Variants in DIAPH1 observed in about 807,000 individuals in gnomAD.
DIAPH1 encodes diaphanous related formin 1, also known as protein diaphanous homolog 1.
A neutral mutation model predicts 140.7 loss-of-function variants in DIAPH1; 46 were observed. The observed-to-expected ratio is 0.33, with a 90% CI of 0.26 to 0.42. DIAPH1 has a LOEUF of 0.42. DIAPH1 is among the 10% of genes least tolerant of loss of function. DIAPH1 has a pLI of 1.00. For synonymous variants in DIAPH1, 565 were observed against 551.6 expected (o/e 1.02, Z -0.34); for missense variants, 1,310 against 1,558.7 (o/e 0.84, Z 2.69).
chr5:141,547,346 T>G (rs1299841521), intron 18 of DIAPH1, among the ~76,000 whole-genome samples: 1 of 152,026 alleles, frequency 6.6e-6, no homozygotes, highest in East Asian at 1.9e-4. Flanking sequence ...GTGCCTGTAG[T>G]CCCAGCTACT....
intron 18 of DIAPH1, among the ~76,000 whole-genome samples, chr5:141,548,791 A>G (rs2099891224): frequency 6.6e-6 from 1 of 152,180 alleles, no homozygotes; most frequent in South Asian, 2.1e-4. Flanking sequence ...TGGGTGACAA[A>G]GTGAGACCCT....
At chr5:141,577,645 A>G in intron 11 of DIAPH1, 54 bp from the exon 12 acceptor site, 1 of 1,175,398 alleles carries the variant, frequency 8.5e-7, no homozygotes, top group South Asian at 1.2e-5. Context: ...TATGTTTGAC[A>G]GGTGGCTTAT....
In DIAPH1 at chr5:141,526,683, GTTGT is replaced by G. The variant is rs564933384; in HGVS notation, c.3274-226_3274-223del. On this transcript the variant is annotated intron_variant, in intron 24 of 27. Transcript: ENST00000389054. ...AAAAAAGAAGGTGGCAGTTTAAACT[GTTGT>G]TTGTTTGTTTGTTTGTGTTTGTTTG... Among the ~76,000 whole-genome samples the G allele has an allele frequency of 1.8e-3, 275 of 150,978 alleles. 3 individuals are homozygous for G. The highest frequency in any genetic ancestry group is 3.7e-3 in the Admixed American group (57 of 15,230).
chr5:141,556,524 G>T (rs867334491), intron 18 of DIAPH1, among the ~76,000 whole-genome samples: 2 of 152,154 alleles, frequency 1.3e-5, no homozygotes, highest in African/African-American at 4.8e-5. Flanking sequence ...CAGGAGAAAA[G>T]TAAGAGTCCA....
At chr5:141,542,302 G>C (rs527719218) in intron 18 of DIAPH1, among the ~76,000 whole-genome samples, 5 of 151,870 alleles carry the variant, frequency 3.3e-5, no homozygotes, top group African/African-American at 1.2e-4. Context: ...GCATGGTGGC[G>C]CATGCCTGTA....
intron 1 of DIAPH1, among the ~76,000 whole-genome samples, chr5:141,614,132 TTAAG>T (rs1197963129): frequency 6.6e-6 from 1 of 152,322 alleles, no homozygotes; most frequent in Admixed American, 6.5e-5. Flanking sequence ...AGAAAACCAC[TTAAG>T]TAATACAAAG....
chr5:141,584,356 C>T lies in DIAPH1; in HGVS notation c.301-131G>A, dbSNP rs2099897216. The T allele has an allele frequency of 3.3e-5, 22 of 659,256 alleles. 1 individual carries two copies. The highest frequency in any genetic ancestry group is 2.6e-4 in the South Asian group (16 of 60,594). The allele number at this position is 659,256 out of a possible 1,614,324, so 40.8% of individuals were successfully genotyped here. ...GCTTAAGTAAATAAATCTTTTTGAT[C>T]CCTAGAAATTTAAGCTATTACAGCT... is the stretch of plus-strand genomic sequence containing the variant. On this transcript the variant is annotated intron_variant, in intron 3 of 27. Coordinates refer to ENST00000389054, the MANE Select transcript of DIAPH1 (RefSeq NM_005219.5).
At chr5:141,585,766 C>T (rs1307312447) in intron 3 of DIAPH1, among the ~76,000 whole-genome samples, 1 of 151,814 alleles carries the variant, frequency 6.6e-6, no homozygotes, top group African/African-American at 2.4e-5. Context: ...TGCGACAGAG[C>T]AATACTCCAT....
intron 11 of DIAPH1, 94 bp downstream of exon 11, chr5:141,578,131 G>T: frequency 1.1e-6 from 1 of 921,568 alleles, no homozygotes; most frequent in Non-Finnish European, 1.8e-6. Flanking sequence ...GCTCTGTTCT[G>T]AGTCATCATC....
rs972555740 is a variant in DIAPH1, at chr5:141,574,134, T to C, written c.1716A>G (p.Val572=). The C allele has an allele frequency of 6.2e-7, 1 of 1,613,386 alleles. No homozygotes were observed. Among genetic ancestry groups the C allele is most frequent in the Non-Finnish European group, 8.5e-7 (1 of 1,179,874 alleles). The part of the protein sequence containing the change: ...MASLSAAAIT[V]PPSVPSRAPV... ...GAGCACGACTAGGAACAGAAGGAGG[T>C]ACAGTAATAGCTGCCGCAGAGAGGG... Residue 572 remains valine (V), a synonymous_variant, in exon 16 of 28, where the codon GTA becomes GTG. Coordinates refer to ENST00000389054, the MANE Select transcript of DIAPH1 (RefSeq NM_005219.5).
At chr5:141,586,208 T>C (rs2099897523) in intron 3 of DIAPH1, among the ~76,000 whole-genome samples, 1 of 152,178 alleles carries the variant, frequency 6.6e-6, no homozygotes, top group African/African-American at 2.4e-5. Flanking sequence ...CAAGAGATTA[T>C]CTTGACAGAC....
At chr5:141,569,437 T>C (rs1475629095) in intron 18 of DIAPH1, among the ~76,000 whole-genome samples, 1 of 152,196 alleles carries the variant, frequency 6.6e-6, no homozygotes, top group African/African-American at 2.4e-5. Context: ...TGGTTCAATA[T>C]TCAATTCAGT....
chr5:141,530,965 GT>G (rs1218314708), intron 19 of DIAPH1, among the ~76,000 whole-genome samples: 1 of 152,042 alleles, frequency 6.6e-6, no homozygotes, highest in Non-Finnish European at 1.5e-5. Flanking sequence ...ACATAATCAA[GT>G]TTTTTAAATC....
At chr5:141,574,275 C>G in intron 15 of DIAPH1, 67 bp from the exon 16 acceptor site, 2 of 1,498,696 alleles carry the variant, frequency 1.3e-6, no homozygotes, top group Admixed American at 3.4e-5. Context: ...CTGGAAGGAA[C>G]CTAATAAACT....
chr5:141,604,751 C>A (rs1436208110), intron 1 of DIAPH1, among the ~76,000 whole-genome samples: 1 of 152,182 alleles, frequency 6.6e-6, no homozygotes, highest in Non-Finnish European at 1.5e-5. Context: ...AATCCTACCC[C>A]TACTGACAAC....
chr5:141,610,012 G>C (rs949119735), intron 1 of DIAPH1, among the ~76,000 whole-genome samples: 2 of 152,242 alleles, frequency 1.3e-5, no homozygotes, highest in African/African-American at 4.8e-5. Context: ...GAAGAAAAGA[G>C]AGAAGCCGAG....
intron 3 of DIAPH1, among the ~76,000 whole-genome samples, chr5:141,585,534 G>A (rs1369665279): frequency 6.6e-6 from 1 of 152,056 alleles, no homozygotes; most frequent in Admixed American, 6.5e-5. Flanking sequence ...AGGTGCAGTG[G>A]CTCATGCCCG....
chr5:141,521,616 C>T (rs2099886551), intron 27 of DIAPH1, among the ~76,000 whole-genome samples: 1 of 152,138 alleles, frequency 6.6e-6, no homozygotes, highest in Non-Finnish European at 1.5e-5. Context: ...AAGCTAGTGT[C>T]TTTGAATAGG....
At chr5:141,586,877 T>C (rs2099897630) in intron 3 of DIAPH1, among the ~76,000 whole-genome samples, 165 bp downstream of exon 3, 1 of 152,236 alleles carries the variant, frequency 6.6e-6, no homozygotes. Flanking sequence ...GGTATTTGTA[T>C]ATTTAGTCCC....
Sources: allele counts gnomAD v4.1 joint callset (sites outside exome capture counted in the v4.1 genomes callset), GRCh38; gene constraint gnomAD v4.1.1; transcripts MANE v1.5; gene names NCBI Gene and HGNC (gene_info 2026-07-23, HGNC 2026-07-21).